Variants in MTMR7 observed in about 807,000 individuals in gnomAD.
The protein encoded by MTMR7 is phosphatidylinositol-3-phosphate phosphatase MTMR7.
A neutral mutation model predicts 81.2 loss-of-function variants in MTMR7; 76 were observed. The ratio of observed to expected loss-of-function variants is 0.94; its 90% CI spans 0.78 to 1.13. MTMR7 has a LOEUF of 1.13. Among genes scored for constraint, MTMR7 ranks in the 50% most tolerant of loss-of-function variants. MTMR7 has a pLI of 0.00. For missense variants in MTMR7, 1,044 were observed against 820.0 expected (o/e 1.27, Z -3.34); for synonymous variants, 372 against 289.8 (o/e 1.28, Z -2.88).
At chr8:17,309,926 A>G (rs533182717) in intron 9 of MTMR7, among the ~76,000 whole-genome samples, 1 of 152,274 alleles carries the variant, frequency 6.6e-6, no homozygotes, top group South Asian at 2.1e-4. Flanking sequence ...GGTTAACATG[A>G]ATTTCTAAGT....
chr8:17,332,573 CG>C (rs1484327739), intron 6 of MTMR7, among the ~76,000 whole-genome samples: 1 of 152,080 alleles, frequency 6.6e-6, no homozygotes, highest in Non-Finnish European at 1.5e-5. Flanking sequence ...TTGAAAATGC[CG>C]TAAGTGAAAA....
In MTMR7 at chr8:17,390,030, C is replaced by T. The variant is rs191427254; in HGVS notation, c.25-16790G>A. Among the ~76,000 whole-genome samples the T allele has an allele frequency of 1.6e-3, 234 of 149,954 alleles. 2 individuals are homozygous for T. Among genetic ancestry groups the T allele is most frequent in the African/African-American group, 5.3e-3 (215 of 40,640 alleles). ...AGTCACTGCTCACATGGAGTTTGTA[C>T]CTTCTGCTTGAAGGTGGGAAAGCAT... On this transcript the variant is annotated intron_variant, in intron 1 of 13. Coordinates refer to ENST00000180173, the MANE Select transcript of MTMR7 (RefSeq NM_004686.5).
chr8:17,386,663 T>C (rs1028199795), intron 1 of MTMR7, among the ~76,000 whole-genome samples: 1 of 151,528 alleles, frequency 6.6e-6, no homozygotes, highest in Non-Finnish European at 1.5e-5. Flanking sequence ...CAGTTGCCCC[T>C]GTCCCATCTC....
intron 7 of MTMR7, among the ~76,000 whole-genome samples, chr8:17,327,447 T>C (rs1002488554): frequency 6.7e-5 from 10 of 149,804 alleles, no homozygotes; most frequent in African/African-American, 2.5e-4. Context: ...ATTTTTTTTA[T>C]TTTTTAAATT....
In MTMR7 at chr8:17,398,041, G is replaced by A. The variant is rs575203152; in HGVS notation, c.24+15228C>T. ...CACCACCGACGTTCGCTTAAAGCCCGAGGGCTCTTGAATACCTGGAAGGTT... is the reference window on the plus strand; with the variant it reads ...CACCACCGACGTTCGCTTAAAGCCCAAGGGCTCTTGAATACCTGGAAGGTT... On this transcript the variant is annotated intron_variant, in intron 1 of 13. Coordinates refer to ENST00000180173, the MANE Select transcript of MTMR7 (RefSeq NM_004686.5). Among the ~76,000 whole-genome samples, 40 of 152,222 alleles carry A rather than the reference G, an allele frequency of 2.6e-4. No individual in the cohort carries two copies. In the Middle Eastern group the frequency reaches 0.01, roughly 39 times the overall value.
chr8:17,407,501 G>T (rs985955862), intron 1 of MTMR7, among the ~76,000 whole-genome samples: 1 of 151,804 alleles, frequency 6.6e-6, no homozygotes, highest in African/African-American at 2.4e-5. Flanking sequence ...TTCTAGGGAA[G>T]AAATCACATG....
At chr8:17,410,101 A>T (rs1352095658) in intron 1 of MTMR7, among the ~76,000 whole-genome samples, 2 of 152,152 alleles carry the variant, frequency 1.3e-5, no homozygotes, top group Non-Finnish European at 2.9e-5. Flanking sequence ...ACATAAAAGC[A>T]TCATCCAGGC....
chr8:17,398,868 G>A (rs368396476), intron 1 of MTMR7, among the ~76,000 whole-genome samples: 40 of 152,234 alleles, frequency 2.6e-4, no homozygotes, highest in Non-Finnish European at 4.3e-4. Flanking sequence ...CCTTTTGCAC[G>A]TCTGTTTGCT....
chr8:17,350,602 C>G (rs548250990), intron 4 of MTMR7, among the ~76,000 whole-genome samples: 158 of 152,220 alleles, frequency 1.0e-3, no homozygotes, highest in Non-Finnish European at 1.7e-3. Context: ...CACAGAAACC[C>G]ACATCAAGGG....
intron 1 of MTMR7, among the ~76,000 whole-genome samples, chr8:17,377,649 A>G (rs765714260): frequency 5.9e-5 from 9 of 152,082 alleles, no homozygotes; most frequent in Non-Finnish European, 1.3e-4. Flanking sequence ...TTTTTGTTTA[A>G]TAACAAAAGT....
intron 1 of MTMR7, among the ~76,000 whole-genome samples, chr8:17,412,921 C>T (rs1045450006): frequency 1.3e-5 from 2 of 152,144 alleles, no homozygotes; most frequent in Admixed American, 1.3e-4. Flanking sequence ...TCTGAGCGGC[C>T]AACAGCTAAA....
intron 1 of MTMR7, among the ~76,000 whole-genome samples, chr8:17,405,420 G>A (rs1190382709): frequency 6.6e-6 from 1 of 152,148 alleles, no homozygotes; most frequent in African/African-American, 2.4e-5. Context: ...GCAATATGGA[G>A]CAGTCCATAT....
At chr8:17,315,414 C>CGT (rs1554507154) in intron 7 of MTMR7, among the ~76,000 whole-genome samples, 2 of 151,768 alleles carry the variant, frequency 1.3e-5, no homozygotes, top group African/African-American at 2.4e-5. Flanking sequence ...ATTTATTAAA[C>CGT]GTGTCAAAAC....
intron 1 of MTMR7, among the ~76,000 whole-genome samples, chr8:17,376,306 G>C (rs748008149): frequency 6.6e-6 from 1 of 152,060 alleles, no homozygotes; most frequent in Non-Finnish European, 1.5e-5. Context: ...ACCATTATAG[G>C]GACATATCAT....
At chr8:17,396,265 A>C (rs1054999645) in intron 1 of MTMR7, among the ~76,000 whole-genome samples, 1 of 152,254 alleles carries the variant, frequency 6.6e-6, no homozygotes, top group East Asian at 1.9e-4. Context: ...AGAACCAAAA[A>C]TCAGGTGAGC....
chr8:17,392,709 A>G (rs1180860067), intron 1 of MTMR7, among the ~76,000 whole-genome samples: 1 of 152,240 alleles, frequency 6.6e-6, no homozygotes, highest in Non-Finnish European at 1.5e-5. Flanking sequence ...CTGGGTGTGA[A>G]CTAGAGTTGG....
chr8:17,302,450 T>C lies in MTMR7; in HGVS notation c.1494-170A>G, dbSNP rs530851222. On this transcript the variant is annotated intron_variant, in intron 12 of 13. Transcript: ENST00000180173. Reference sequence around the variant, plus strand: ...TAATAATTTCATGTTGATGTTTTTTTTCTTGGGTCAGTAAATGCCTTTTGG... The same window carrying C: ...TAATAATTTCATGTTGATGTTTTTTCTCTTGGGTCAGTAAATGCCTTTTGG... 5.9e-6 allele frequency: 4 copies of C among 682,760 alleles called. 1 individual carries two copies. Among genetic ancestry groups the C allele is most frequent in the South Asian group, 2.7e-5 (1 of 37,564 alleles). The allele number at this position is 682,760 out of a possible 1,614,324, so 42.3% of individuals were successfully genotyped here.
intron 4 of MTMR7, among the ~76,000 whole-genome samples, chr8:17,359,556 T>A (rs1819998389): frequency 7.0e-6 from 1 of 143,262 alleles, no homozygotes; most frequent in African/African-American, 2.7e-5. Flanking sequence ...TACTCTAGCC[T>A]GGGTAACAGA....
intron 13 of MTMR7, chr8:17,301,856 A>G (rs1817137020): frequency 7.4e-6 from 3 of 407,462 alleles, no homozygotes; most frequent in African/African-American, 6.2e-5. Flanking sequence ...CACACTTTCC[A>G]GAAAAAAATT....
Sources: allele counts gnomAD v4.1 joint callset (sites outside exome capture counted in the v4.1 genomes callset), GRCh38; gene constraint gnomAD v4.1.1; transcripts MANE v1.5; gene names NCBI Gene and HGNC (gene_info 2026-07-23, HGNC 2026-07-21).